FAM199X: variants seen among roughly 807,000 people sequenced by gnomAD.
FAM199X encodes family with sequence similarity 199, X-linked.
A neutral mutation model predicts 22.9 loss-of-function variants in FAM199X; 4 were observed. The ratio of observed to expected loss-of-function variants is 0.17; its 90% confidence interval spans 0.09 to 0.40. FAM199X has a LOEUF of 0.40. Among genes scored for constraint, FAM199X ranks in the 10% least tolerant of loss-of-function variants. The pLI is 1.00. For missense variants in FAM199X, 183 were observed against 306.8 expected (o/e 0.60, Z 3.01); for synonymous variants, 101 against 112.3 (o/e 0.90, Z 0.64).
At chrX:104,167,713 C>A (rs1322788598) in intron 1 of FAM199X, among the ~76,000 whole-genome samples, 1 of 111,285 alleles carries the variant, frequency 9.0e-6, no homozygotes. Context: ...GACTGACTTA[C>A]ACAAATTTAT....
At chrX:104,160,383 T>C in the FAM199X span, among the ~76,000 whole-genome samples, 13 of 113,011 alleles carry the variant, frequency 1.2e-4, no homozygotes, top group Non-Finnish European at 1.9e-4. Context: ...ATTATGTTTT[T>C]ATTAAAAAGA....
Position 104,166,695 on chromosome X carries a change from G to A in FAM199X, c.-91G>A. The A allele has an allele frequency of 2.4e-6, 2 of 833,007 alleles. No homozygotes were observed. Among genetic ancestry groups the A allele is most frequent in the South Asian group, 2.9e-5 (1 of 34,576 alleles). The allele number at this position is 833,007 out of a possible 1,213,427, so 68.6% of individuals were successfully genotyped here. A position where few individuals can be genotyped will look rare whatever the true frequency, so the allele number is the denominator to read the frequency against. ...TGCGACGGGCACACCCCGGAGCGTCGGCGACTGCGGACAGGTTAGAGTGGG... is the reference window on the plus strand; with the variant it reads ...TGCGACGGGCACACCCCGGAGCGTCAGCGACTGCGGACAGGTTAGAGTGGG... On this transcript the variant is annotated 5_prime_UTR_variant, in exon 1 of 6. Transcript: ENST00000493442.
rs1207268425 is a variant in FAM199X, at chrX:104,185,733, C to T, written c.418-333C>T. On this transcript the variant is annotated intron_variant, in intron 2 of 5. Coordinates refer to ENST00000493442, the MANE Select transcript of FAM199X (RefSeq NM_207318.4). ...TCAAGCGATTCTCCTGCCTCAGTGT[C>T]CCGAGTAACTACAGGCACAGGCCAC... 3.6e-5 allele frequency among the ~76,000 whole-genome samples: 4 copies of T among 110,796 alleles called. No individual in the cohort carries two copies. The Admixed American group carries it at 3.8e-4, about 11-fold the overall frequency.
upstream of FAM199X, among the ~76,000 whole-genome samples, chrX:104,164,096 A>G (rs1273328776): frequency 8.8e-6 from 1 of 113,004 alleles, no homozygotes; most frequent in Non-Finnish European, 1.9e-5. Context: ...TACAAATGTA[A>G]CACCAAAGCA....
upstream of FAM199X, among the ~76,000 whole-genome samples, chrX:104,163,303 A>G (rs1921083783): frequency 8.9e-6 from 1 of 112,245 alleles, no homozygotes; most frequent in African/African-American, 3.2e-5. Flanking sequence ...CTGGTAGGTA[A>G]ATTATGCATC....
At chrX:104,167,030 C>A in intron 1 of FAM199X, 48 bp downstream of exon 1, 1 of 1,041,442 alleles carries the variant, frequency 9.6e-7, no homozygotes, top group Non-Finnish European at 1.3e-6. Context: ...CTTCTGGTCG[C>A]CCCCCGCTCC....
intron 4 of FAM199X, among the ~76,000 whole-genome samples, chrX:104,186,900 T>C (rs797035591): frequency 9.0e-6 from 1 of 111,399 alleles, no homozygotes; most frequent in Admixed American, 9.6e-5. Context: ...TAGGTTAAGG[T>C]ATAGATTTAT....
At chrX:104,184,359 A>G (rs1421963485) in intron 2 of FAM199X, among the ~76,000 whole-genome samples, 1 of 112,362 alleles carries the variant, frequency 8.9e-6, no homozygotes, top group East Asian at 2.8e-4. Flanking sequence ...GAACCAAAAC[A>G]CAGCAAAAAG....
intron 2 of FAM199X, among the ~76,000 whole-genome samples, chrX:104,178,164 G>T (rs1007213715): frequency 1.8e-4 from 19 of 107,246 alleles, no homozygotes; most frequent in African/African-American, 4.7e-4. Context: ...GTTTTTTTTT[G>T]TTTGTTTGTT....
At chrX:104,162,762 A>G (rs1921070926), upstream of FAM199X, among the ~76,000 whole-genome samples, 2 of 112,002 alleles carry the variant, frequency 1.8e-5, no homozygotes, top group African/African-American at 6.5e-5. Flanking sequence ...CTTTCACAGA[A>G]CTTCCTGAAA....
At chrX:104,183,440 G>T (rs1921711593) in intron 2 of FAM199X, among the ~76,000 whole-genome samples, 1 of 110,074 alleles carries the variant, frequency 9.1e-6, no homozygotes, top group Non-Finnish European at 1.9e-5. Context: ...TTCAAGCAGT[G>T]TTAGTTAATG....
chrX:104,181,661 A>G (rs1306927093), intron 2 of FAM199X, among the ~76,000 whole-genome samples: 2 of 112,325 alleles, frequency 1.8e-5, no homozygotes, highest in African/African-American at 6.5e-5. Flanking sequence ...TTCCTCTCTT[A>G]TTACAAACTT....
At chrX:104,167,771 C>G (rs782375600) in intron 1 of FAM199X, among the ~76,000 whole-genome samples, 14 of 110,608 alleles carry the variant, frequency 1.3e-4, no homozygotes, top group Non-Finnish European at 2.1e-4. Context: ...AGGTAGTGTT[C>G]TGGAGACTTC....
intron 1 of FAM199X, among the ~76,000 whole-genome samples, chrX:104,169,390 TTGGTACC>T (rs1921295948): frequency 8.9e-6 from 1 of 112,126 alleles, no homozygotes. Context: ...TGCTTCCTTC[TTGGTACC>T]TGATAAGAAA....
chrX:104,169,082 A>G (rs1480311247), intron 1 of FAM199X, among the ~76,000 whole-genome samples: 1 of 108,464 alleles, frequency 9.2e-6, no homozygotes, highest in Non-Finnish European at 1.9e-5. Context: ...CTGCTTTCTT[A>G]CCCCTCCTCA....
At chrX:104,182,597 T>C (rs1921688823) in intron 2 of FAM199X, among the ~76,000 whole-genome samples, 2 of 111,902 alleles carry the variant, frequency 1.8e-5, no homozygotes, top group African/African-American at 3.2e-5. Flanking sequence ...TGATACGATA[T>C]CTAGAATATA....
At position 104,166,794 on chromosome X, in the gene FAM199X, C is replaced by T. The variant is rs1556374013; in HGVS notation, c.9C>T (p.Asp3=). The part of the protein sequence containing the change: MS[D]EASAITSYEK... ...CCAGGCCATCTCCAACCATGTCCGACGAGGCCTCGGCCATCACTTCCTACG... is the reference window on the plus strand; with the variant it reads ...CCAGGCCATCTCCAACCATGTCCGATGAGGCCTCGGCCATCACTTCCTACG... The change falls in exon 1 of 6, where the codon GAC becomes GAT. Residue 3 remains aspartate (D), a synonymous_variant. Transcript: ENST00000493442. 8.3e-7 allele frequency: 1 copy of T among 1,203,619 alleles called. No homozygotes were observed. Among genetic ancestry groups the T allele is most frequent in the Non-Finnish European group, 1.1e-6 (1 of 891,736 alleles).
chrX:104,159,681 C>G, the FAM199X span, among the ~76,000 whole-genome samples: 1 of 111,763 alleles, frequency 8.9e-6, no homozygotes, highest in South Asian at 3.7e-4. Context: ...AGTTCAGGCC[C>G]CCTTTACAAG....
At chrX:104,172,255 A>T (rs1246109918) in intron 1 of FAM199X, among the ~76,000 whole-genome samples, 1 of 106,870 alleles carries the variant, frequency 9.4e-6, no homozygotes, top group South Asian at 4.2e-4. Flanking sequence ...AAAAAAAAAA[A>T]AAGAAATGTG....
Sources: allele counts gnomAD v4.1 joint callset (sites outside exome capture counted in the v4.1 genomes callset), GRCh38; gene constraint gnomAD v4.1.1; transcripts MANE v1.5; gene names NCBI Gene and HGNC (gene_info 2026-07-23, HGNC 2026-07-21).